TEKT5: variants seen among roughly 807,000 people sequenced by gnomAD.
TEKT5 encodes the protein tektin 5.
Under a neutral mutation model 48.7 loss-of-function variants are expected in TEKT5, and 52 were observed. That is an observed-to-expected ratio of 1.07 (90% CI 0.86 to 1.35). The LOEUF (loss-of-function observed/expected upper bound fraction) is 1.35. TEKT5 is among the 40% of genes most tolerant of loss of function. TEKT5 has a pLI of 0.00. For missense variants in TEKT5, 831 were observed against 641.6 expected (o/e 1.30, Z -3.19); for synonymous variants, 318 against 267.6 (o/e 1.19, Z -1.84).
At chr16:10,660,109 G>A (rs1462665983) in intron 5 of TEKT5, among the ~76,000 whole-genome samples, 2 of 152,164 alleles carry the variant, frequency 1.3e-5, no homozygotes, top group Non-Finnish European at 2.9e-5. Flanking sequence ...AACGTGATGA[G>A]GTCACAGCTG....
chr16:10,687,885 G>C (rs1047301621), intron 3 of TEKT5, among the ~76,000 whole-genome samples: 14 of 152,174 alleles, frequency 9.2e-5, no homozygotes, highest in Non-Finnish European at 1.9e-4. Context: ...GGGTACCTGA[G>C]ATATTTTGAT....
At chr16:10,641,261 T>C (rs1897991362) in intron 5 of TEKT5, among the ~76,000 whole-genome samples, 1 of 152,132 alleles carries the variant, frequency 6.6e-6, no homozygotes, top group Non-Finnish European at 1.5e-5. Context: ...TTAGCCCAGG[T>C]GGTACAGGTG....
chr16:10,641,726 G>A (rs568723048), intron 5 of TEKT5, among the ~76,000 whole-genome samples: 2 of 152,300 alleles, frequency 1.3e-5, no homozygotes, highest in South Asian at 4.1e-4. Flanking sequence ...GGAGGCTGAG[G>A]CAGGAGCATC....
At chr16:10,640,839 A>G (rs1403715533) in intron 5 of TEKT5, among the ~76,000 whole-genome samples, 1 of 152,048 alleles carries the variant, frequency 6.6e-6, no homozygotes, top group East Asian at 1.9e-4. Context: ...ACAATATTCC[A>G]CCATATAGCT....
intron 5 of TEKT5, among the ~76,000 whole-genome samples, chr16:10,640,733 T>C (rs1397991502): frequency 6.7e-6 from 1 of 150,182 alleles, no homozygotes; most frequent in Non-Finnish European, 1.5e-5. Flanking sequence ...ATATTTGTTT[T>C]TGGAGGGAGG....
Position 10,694,404 on chromosome 16 carries a change from T to C in TEKT5, c.470A>G (p.Tyr157Cys), listed in dbSNP as rs189265602. 276 of 1,614,162 alleles carry C rather than the reference T, an allele frequency of 1.7e-4. 2 individuals carry two copies. The East Asian group carries it at 2.4e-3, about 14-fold the overall frequency. ...DIGFWKSELS[Y>C]ELDRLLTENQ... ...CTCAGTCAGAAGCCTGTCCAGCTCA[T>C]AGCTCAGCTCTGACTTCCAGAAGCC... The change falls in exon 1 of 7, where the codon TAT (tyrosine) becomes TGT (cysteine). Residue 157 changes from tyrosine to cysteine, a missense_variant. By Grantham distance (194) the Tyr-to-Cys change is radical. Transcript: ENST00000283025.
chr16:10,656,551 C>A (rs1011175456), intron 5 of TEKT5, among the ~76,000 whole-genome samples: 10 of 152,124 alleles, frequency 6.6e-5, no homozygotes, highest in African/African-American at 2.2e-4. Context: ...CCACACCCAG[C>A]CATCTTGATT....
intron 4 of TEKT5, among the ~76,000 whole-genome samples, 156 bp from the exon 5 acceptor site, chr16:10,676,337 C>A (rs910436845): frequency 6.6e-6 from 1 of 152,134 alleles, no homozygotes; most frequent in Non-Finnish European, 1.5e-5. Context: ...TGGCCTCTAC[C>A]CACTAGATGC....
chr16:10,655,062 C>T (rs1300405073), intron 5 of TEKT5, among the ~76,000 whole-genome samples: 1 of 151,368 alleles, frequency 6.6e-6, no homozygotes, highest in Admixed American at 6.6e-5. Flanking sequence ...TTGCAGGCAA[C>T]TTAAATTCTG....
intron 6 of TEKT5, among the ~76,000 whole-genome samples, chr16:10,634,114 C>A (rs780964836): frequency 6.6e-6 from 1 of 152,164 alleles, no homozygotes; most frequent in Non-Finnish European, 1.5e-5. Context: ...CCAGTGAAGC[C>A]CTGGCTTAGT....
At chr16:10,636,737 A>C (rs1897919151) in intron 5 of TEKT5, among the ~76,000 whole-genome samples, 1 of 151,238 alleles carries the variant, frequency 6.6e-6, no homozygotes, top group Non-Finnish European at 1.5e-5. Context: ...ATTCAAACAG[A>C]CTCAGAGTTT....
chr16:10,682,049 C>A lies in TEKT5; in HGVS notation c.807G>T (p.Leu269=). The A allele has an allele frequency of 6.2e-7, 1 of 1,614,192 alleles. No homozygotes were observed. Among genetic ancestry groups the A allele is most frequent in the South Asian group, 1.1e-5 (1 of 91,088 alleles). Residue 269 remains leucine, a synonymous_variant, in exon 4 of 7, where the codon CTG becomes CTT. Transcript: ENST00000283025. ...AGCTGATGCAGTCTGACGTATTTCT[C>A]AGGTTAAAGCACTTCTCATCGATAC... is the stretch of plus-strand genomic sequence containing the variant. The part of the protein sequence containing the change: ...AQCIDEKCFN[L]RNTSDCISFF...
intron 5 of TEKT5, among the ~76,000 whole-genome samples, chr16:10,644,527 T>C (rs920597570): frequency 6.6e-6 from 1 of 152,190 alleles, no homozygotes; most frequent in Non-Finnish European, 1.5e-5. Context: ...CTGTCTACTC[T>C]ATTCAAAACG....
At chr16:10,675,208 T>A (rs2142300623) in intron 5 of TEKT5, among the ~76,000 whole-genome samples, 1 of 152,324 alleles carries the variant, frequency 6.6e-6, no homozygotes, top group South Asian at 2.1e-4. Flanking sequence ...TTTCTGTGTA[T>A]AAATTTCACA....
chr16:10,630,586 G>A (rs544019912), intron 6 of TEKT5, among the ~76,000 whole-genome samples: 9 of 152,266 alleles, frequency 5.9e-5, no homozygotes, highest in South Asian at 2.1e-4. Flanking sequence ...CAGCAGTGCC[G>A]TGGAGTAGAA....
At chr16:10,629,460 A>AG (rs1220424342) in intron 6 of TEKT5, among the ~76,000 whole-genome samples, 1 of 152,176 alleles carries the variant, frequency 6.6e-6, no homozygotes, top group African/African-American at 2.4e-5. Context: ...CATGTTGCTC[A>AG]GGCTGGTCTC....
intron 5 of TEKT5, among the ~76,000 whole-genome samples, chr16:10,668,765 C>T (rs983593670): frequency 1.3e-5 from 2 of 152,222 alleles, no homozygotes; most frequent in African/African-American, 2.4e-5. Flanking sequence ...TCTGTTCAAC[C>T]TCTTCCTATG....
At chr16:10,655,186 C>T (rs979578515) in intron 5 of TEKT5, among the ~76,000 whole-genome samples, 4 of 152,082 alleles carry the variant, frequency 2.6e-5, no homozygotes, top group Non-Finnish European at 5.9e-5. Context: ...CACACACATG[C>T]TGAACGGGTA....
intron 5 of TEKT5, among the ~76,000 whole-genome samples, chr16:10,665,519 C>T (rs566909622): frequency 6.6e-6 from 1 of 152,322 alleles, no homozygotes; most frequent in South Asian, 2.1e-4. Context: ...GTCCCTCCAA[C>T]TTCCTGCATC....
Sources: gnomAD v4.1 joint callset for allele counts (sites outside exome capture counted in the v4.1 genomes callset) on GRCh38, gnomAD v4.1.1 for gene constraint, MANE v1.5 for transcripts, NCBI Gene and HGNC (gene_info 2026-07-23, HGNC 2026-07-21) for gene names.